Variants in COL5A1 observed in about 807,000 individuals in gnomAD.
The protein encoded by COL5A1 is collagen type V alpha 1 chain, also known as collagen alpha-1(V) chain.
COL5A1 carries 16 observed loss-of-function variants against 263.7 expected under a neutral mutation model. The ratio of observed to expected loss-of-function variants is 0.06; its 90% CI spans 0.04 to 0.09. The LOEUF is 0.09. COL5A1 is among the 10% of genes least tolerant of loss of function. The probability of loss-of-function intolerance (pLI) is 1.00; values close to 1 mark genes in which losing one functional copy is unlikely to be tolerated. For missense variants in COL5A1, 2,036 were observed against 2,540.5 expected (o/e 0.80, Z 4.27); for synonymous variants, 1,012 against 1,004.5 (o/e 1.01, Z -0.14).
chr9:134,685,082 A>ATTCATCCATCCATCATCCT (rs1832977658), intron 1 of COL5A1, among the ~76,000 whole-genome samples: 87 of 98,332 alleles, frequency 8.8e-4, no homozygotes, highest in Non-Finnish European at 1.2e-3. Flanking sequence ...CCATCCATCC[A>ATTCATCCATCCATCATCCT]CCCACCATCC....
chr9:134,723,282 G>C (rs1472020007), intron 4 of COL5A1, among the ~76,000 whole-genome samples: 1 of 151,526 alleles, frequency 6.6e-6, no homozygotes, highest in Non-Finnish European at 1.5e-5. Flanking sequence ...GTTGGAGGGG[G>C]CTCGGCGGTG....
At chr9:134,763,084 G>A (rs1262824508) in intron 19 of COL5A1, among the ~76,000 whole-genome samples, 2 of 151,658 alleles carry the variant, frequency 1.3e-5, no homozygotes, top group Non-Finnish European at 2.9e-5. Flanking sequence ...TGCATGCACA[G>A]GGTCTGTGTG....
At chr9:134,745,297 C>T (rs1339096054) in intron 11 of COL5A1, among the ~76,000 whole-genome samples, 1 of 152,120 alleles carries the variant, frequency 6.6e-6, no homozygotes. Flanking sequence ...GAGCAAAGGC[C>T]TCGGGACATT....
rs1830140279 is a variant in COL5A1 at position 134,842,604 on chromosome 9, C to G, written c.*301C>G. 9 of 531,652 alleles carry G rather than the reference C, an allele frequency of 1.7e-5. No homozygotes were observed. In the South Asian group the frequency reaches 1.7e-4, roughly 10 times the overall value. The allele number at this position is 531,652 out of a possible 1,614,324, so 32.9% of individuals were successfully genotyped here. Reference sequence around the variant, plus strand: ...GGAGCGGGGCCATGCCTCCAGCCCCCCAGCTCGCCCGACCCATCCTGTTCG... The same window carrying G: ...GGAGCGGGGCCATGCCTCCAGCCCCGCAGCTCGCCCGACCCATCCTGTTCG... On this transcript the variant is annotated 3_prime_UTR_variant, in exon 66 of 66. Coordinates refer to ENST00000371817, the MANE Select transcript of COL5A1 (RefSeq NM_000093.5). This position sits in a 1 kb window ranked among gnomAD's most constrained non-coding sequence, Gnocchi z 5.8.
intron 53 of COL5A1, among the ~76,000 whole-genome samples, 186 bp downstream of exon 53, chr9:134,817,265 C>T (rs1011925672): frequency 7.2e-5 from 11 of 152,210 alleles, no homozygotes; most frequent in African/African-American, 2.4e-4. Context: ...GCCAGGTCGA[C>T]GCAGCTGCTC....
At chr9:134,664,107 A>G (rs1212866708) in intron 1 of COL5A1, among the ~76,000 whole-genome samples, 1 of 152,254 alleles carries the variant, frequency 6.6e-6, no homozygotes, top group Non-Finnish European at 1.5e-5. Context: ...ACAGCCTGTC[A>G]TGTTGGCTGG....
At position 134,842,590 on chromosome 9, in the gene COL5A1, A is replaced by G. The variant is rs1189700303; in HGVS notation, c.*287A>G. ...ACCCACGCGCCCCGGGAGCGGGGCC[A>G]TGCCTCCAGCCCCCCAGCTCGCCCG... On this transcript the variant is annotated 3_prime_UTR_variant, in exon 66 of 66. Coordinates refer to ENST00000371817, the MANE Select transcript of COL5A1 (RefSeq NM_000093.5). This position sits in a 1 kb window ranked among gnomAD's most constrained non-coding sequence, Gnocchi z 5.8. 6 of 545,032 alleles carry G rather than the reference A, an allele frequency of 1.1e-5. No individual in the cohort carries two copies. The Admixed American group carries it at 1.3e-4, about 12-fold the overall frequency. 33.8% of individuals were successfully genotyped at this position (545,032 alleles called of 1,614,324 possible). A position where few individuals can be genotyped will look rare whatever the true frequency, so the allele number is the denominator to read the frequency against.
At chr9:134,829,119 A>ATCACTCAT (rs1839460520) in intron 63 of COL5A1, among the ~76,000 whole-genome samples, 1 of 151,804 alleles carries the variant, frequency 6.6e-6, no homozygotes, top group African/African-American at 2.4e-5. Context: ...CCCTTGGTCC[A>ATCACTCAT]TCATTCATTC....
At chr9:134,779,027 T>TG (rs1209177052) in intron 27 of COL5A1, among the ~76,000 whole-genome samples, 8 of 152,216 alleles carry the variant, frequency 5.3e-5, no homozygotes, top group Non-Finnish European at 8.8e-5. Context: ...CTCCAGGACC[T>TG]GGGGAAAGGC....
chr9:134,659,727 T>C (rs1832142224), intron 1 of COL5A1, among the ~76,000 whole-genome samples: 1 of 152,140 alleles, frequency 6.6e-6, no homozygotes, highest in Admixed American at 6.5e-5. Context: ...CTCAGCAGCC[T>C]CTTCCAAAGC....
At chr9:134,792,585 G>A (rs1221167924) in intron 32 of COL5A1, among the ~76,000 whole-genome samples, 1 of 151,962 alleles carries the variant, frequency 6.6e-6, no homozygotes, top group East Asian at 1.9e-4. Flanking sequence ...GGCCAGTTTC[G>A]AACTCCTGAC....
chr9:134,699,367 G>A lies in COL5A1; in HGVS notation c.278-542G>A, dbSNP rs111575127. ...AATTTCCACTTTTTCTCTGTTTTGC[G>A]TATCAACCAGGAAATGTCACAAAGT... On this transcript the variant is annotated intron_variant, in intron 2 of 65. Coordinates refer to ENST00000371817, the MANE Select transcript of COL5A1 (RefSeq NM_000093.5). 1.3e-3 allele frequency among the ~76,000 whole-genome samples: 197 copies of A among 152,122 alleles called. 2 individuals are homozygous for A. The highest frequency in any genetic ancestry group is 4.1e-3 in the African/African-American group (172 of 41,482).
chr9:134,657,391 T>G (rs1029651732), intron 1 of COL5A1, among the ~76,000 whole-genome samples: 8 of 14,884 alleles, frequency 5.4e-4, no homozygotes, highest in Admixed American at 1.8e-3. Flanking sequence ...GGGGGTGGGG[T>G]GGGGGTGTAG....
rs570052926 is a variant in COL5A1, at chr9:134,771,045, A to G, written c.2287-1745A>G. On this transcript the variant is annotated intron_variant, in intron 25 of 65. Transcript: ENST00000371817. ...TGCTTGGTGCTCCCTGGGTGGGCGC[A>G]GTTCTGAGCCCCTTGCAAACGCTCT... Among the ~76,000 whole-genome samples, 5 of 152,308 alleles carry G rather than the reference A, an allele frequency of 3.3e-5. No homozygotes were observed. In the South Asian group the frequency reaches 1.0e-3, roughly 32 times the overall value.
At chr9:134,802,031 C>T (rs751109458) in intron 38 of COL5A1, 24 bp downstream of exon 38, 9 of 1,611,170 alleles carry the variant, frequency 5.6e-6, no homozygotes, top group African/African-American at 1.3e-5. Context: ...TTCCCAGATT[C>T]CATGGGTCAC....
intron 19 of COL5A1, among the ~76,000 whole-genome samples, chr9:134,763,454 G>A (rs922835227): frequency 3.3e-5 from 5 of 152,238 alleles, no homozygotes; most frequent in Non-Finnish European, 7.3e-5. Context: ...GGAGAGCTGT[G>A]GCATGTGAGC....
intron 22 of COL5A1, 75 bp from the exon 23 acceptor site, chr9:134,766,924 AG>A: frequency 7.2e-7 from 1 of 1,383,808 alleles, no homozygotes; most frequent in South Asian, 1.2e-5. Context: ...GAGGCCAGTG[AG>A]GGGGCACACG....
chr9:134,662,929 GT>G (rs1348494438), intron 1 of COL5A1, among the ~76,000 whole-genome samples: 1 of 152,214 alleles, frequency 6.6e-6, no homozygotes, highest in Non-Finnish European at 1.5e-5. Flanking sequence ...ACCGATGAGT[GT>G]TTGCTGCACA....
chr9:134,755,472 G>A lies in COL5A1; in HGVS notation c.1827+1146G>A, dbSNP rs1835932879. 6.6e-6 allele frequency among the ~76,000 whole-genome samples: 1 copy of A among 152,218 alleles called. No homozygotes were observed. Among genetic ancestry groups the A allele is most frequent in the Admixed American group, 6.5e-5 (1 of 15,288 alleles). On this transcript the variant is annotated intron_variant, in intron 16 of 65. Transcript: ENST00000371817. This position sits in a 1 kb window ranked among gnomAD's most constrained non-coding sequence, Gnocchi z 4.1. ...ATTAAGTATGCCCAGAAGATCTGCTGCAGAAGAAAAGATGGTGGTGAGAGA... is the reference window on the plus strand; with the variant it reads ...ATTAAGTATGCCCAGAAGATCTGCTACAGAAGAAAAGATGGTGGTGAGAGA...
Sources: gnomAD v4.1 joint callset for allele counts (sites outside exome capture counted in the v4.1 genomes callset) on GRCh38, gnomAD v4.1.1 for gene constraint, Gnocchi (gnomAD v3.1) non-coding constraint, MANE v1.5 for transcripts, NCBI Gene and HGNC (gene_info 2026-07-23, HGNC 2026-07-21) for gene names.